MYO16: variants seen among roughly 807,000 people sequenced by gnomAD.
MYO16 encodes the protein myosin XVI, also known as unconventional myosin-XVI.
MYO16 carries 94 observed loss-of-function variants against 205.3 expected under a neutral mutation model. That is an observed-to-expected ratio of 0.46 (90% CI 0.39 to 0.54). The LOEUF (loss-of-function observed/expected upper bound fraction) is 0.54, where lower values mean the gene tolerates loss of function less well. MYO16 is among the 20% of genes least tolerant of loss of function. The probability of loss-of-function intolerance (pLI) is 0.00; values close to 1 mark genes in which losing one functional copy is unlikely to be tolerated. For synonymous variants in MYO16, 988 were observed against 954.0 expected (o/e 1.04, Z -0.66); for missense variants, 2,315 against 2,387.5 (o/e 0.97, Z 0.63).
intron 4 of MYO16, among the ~76,000 whole-genome samples, chr13:108,780,555 G>A (rs1010491891): frequency 3.3e-5 from 5 of 152,166 alleles, no homozygotes; most frequent in African/African-American, 1.2e-4. Context: ...AGGTAAGTAG[G>A]AGTATAGTGA....
chr13:108,559,479 T>TC, the MYO16 span, among the ~76,000 whole-genome samples: 4 of 138,298 alleles, frequency 2.9e-5, no homozygotes, highest in Non-Finnish European at 6.3e-5. Context: ...TCTTTTTTTT[T>TC]TTTTTTTTTT....
intron 4 of MYO16, among the ~76,000 whole-genome samples, chr13:108,748,633 T>C (rs978516258): frequency 6.6e-6 from 1 of 152,060 alleles, no homozygotes; most frequent in African/African-American, 2.4e-5. Context: ...AAGGCTTTCA[T>C]AGAGATCAAT....
chr13:108,944,683 T>A (rs1176950324), intron 16 of MYO16, among the ~76,000 whole-genome samples: 1 of 152,206 alleles, frequency 6.6e-6, no homozygotes, highest in Non-Finnish European at 1.5e-5. Context: ...CTAAAGAGCC[T>A]ACAATATCAT....
intron 1 of MYO16, among the ~76,000 whole-genome samples, chr13:108,607,005 G>T (rs1248885278): frequency 6.6e-6 from 1 of 152,166 alleles, no homozygotes; most frequent in Non-Finnish European, 1.5e-5. Context: ...TTGGACTTTG[G>T]ACTTTCATGG....
chr13:109,063,229 T>A (rs1326380678), intron 27 of MYO16, among the ~76,000 whole-genome samples: 5 of 152,154 alleles, frequency 3.3e-5, no homozygotes, highest in African/African-American at 9.7e-5. Context: ...AACTGGAGGA[T>A]CGCTTTAGTT....
chr13:108,651,333 C>T (rs1428767678), intron 1 of MYO16, among the ~76,000 whole-genome samples: 1 of 152,168 alleles, frequency 6.6e-6, no homozygotes, highest in Non-Finnish European at 1.5e-5. Flanking sequence ...AGAAACATCA[C>T]ATCATGAGGA....
intron 24 of MYO16, among the ~76,000 whole-genome samples, chr13:109,051,742 TTAAC>T (rs1887253328): frequency 6.6e-6 from 1 of 152,222 alleles, no homozygotes; most frequent in African/African-American, 2.4e-5. Context: ...CCTTTTCAGC[TTAAC>T]TGTGTTTTTT....
chr13:109,201,219 C>A (rs1438287875), intron 34 of MYO16, among the ~76,000 whole-genome samples: 2 of 152,178 alleles, frequency 1.3e-5, no homozygotes, highest in Admixed American at 6.5e-5. Context: ...CAAGAGAAGA[C>A]AACATGCATC....
chr13:108,500,507 C>T, the MYO16 span, among the ~76,000 whole-genome samples: 2 of 152,064 alleles, frequency 1.3e-5, no homozygotes, highest in African/African-American at 4.8e-5. Context: ...GGATTACAAG[C>T]ATGAGCCACC....
intron 5 of MYO16, among the ~76,000 whole-genome samples, chr13:108,786,371 G>T (rs1469787833): frequency 2.0e-5 from 3 of 152,164 alleles, no homozygotes; most frequent in Admixed American, 2.0e-4. Context: ...GAAAGTGGGA[G>T]GTATGAGAAT....
chr13:108,659,111 G>C (rs1422535366), intron 1 of MYO16, among the ~76,000 whole-genome samples: 1 of 148,746 alleles, frequency 6.7e-6, no homozygotes, highest in African/African-American at 2.5e-5. Flanking sequence ...TATATTTCTA[G>C]TTAGTTATAA....
At chr13:108,850,209 A>G (rs1386917616) in intron 10 of MYO16, among the ~76,000 whole-genome samples, 1 of 152,270 alleles carries the variant, frequency 6.6e-6, no homozygotes, top group Non-Finnish European at 1.5e-5. Flanking sequence ...CACAGGTCAG[A>G]CCATCTCTGT....
intron 7 of MYO16, among the ~76,000 whole-genome samples, chr13:108,813,597 TAA>T (rs1192815296): frequency 6.6e-6 from 1 of 152,186 alleles, no homozygotes; most frequent in Non-Finnish European, 1.5e-5. Flanking sequence ...GAAGAATAAG[TAA>T]AGTCTATATC....
At chr13:109,191,111 C>T (rs538328652) in intron 34 of MYO16, among the ~76,000 whole-genome samples, 6 of 151,776 alleles carry the variant, frequency 4.0e-5, no homozygotes, top group South Asian at 4.2e-4. Flanking sequence ...CCCAGCTACA[C>T]GGGAGGCTGA....
At chr13:108,860,357 T>C (rs974932362) in intron 11 of MYO16, among the ~76,000 whole-genome samples, 1 of 152,222 alleles carries the variant, frequency 6.6e-6, no homozygotes, top group Non-Finnish European at 1.5e-5. Context: ...TTTTTATGGC[T>C]GCATAGTCCT....
chr13:108,712,614 GGAA>G, intron 2 of MYO16, 44 bp from the exon 3 acceptor site: 4 of 1,548,914 alleles, frequency 2.6e-6, no homozygotes, highest in Middle Eastern at 1.7e-4. Flanking sequence ...TTCCACACGT[GGAA>G]GAAGGACTCT....
intron 14 of MYO16, among the ~76,000 whole-genome samples, chr13:108,897,656 C>T (rs1466685993): frequency 1.3e-5 from 2 of 152,176 alleles, no homozygotes; most frequent in Non-Finnish European, 2.9e-5. Flanking sequence ...TGACTCCTTC[C>T]CTTCCAAAAT....
chr13:109,121,266 C>T (rs1875977626), intron 29 of MYO16, among the ~76,000 whole-genome samples: 1 of 152,176 alleles, frequency 6.6e-6, no homozygotes, highest in Non-Finnish European at 1.5e-5. Context: ...CTCAGGTTGC[C>T]TCTGGGTCTT....
In MYO16 at chr13:108,722,728, A is replaced by G. The variant is rs140279812; in HGVS notation, c.364-4712A>G. 2.8e-3 allele frequency among the ~76,000 whole-genome samples: 431 copies of G among 152,322 alleles called. 4 individuals carry two copies. Among genetic ancestry groups the G allele is most frequent in the African/African-American group, 0.01 (418 of 41,588 alleles). On this transcript the variant is annotated intron_variant, in intron 3 of 34. Coordinates refer to ENST00000457511, the MANE Select transcript of MYO16 (RefSeq NM_001198950.3). Reference sequence around the variant, plus strand: ...CTTGCATATGAATTTCCTAAAATGAAGTAGATCCGGGCCTCACATTCTAAC... The same window carrying G: ...CTTGCATATGAATTTCCTAAAATGAGGTAGATCCGGGCCTCACATTCTAAC...
Sources: allele counts gnomAD v4.1 joint callset (sites outside exome capture counted in the v4.1 genomes callset), GRCh38; gene constraint gnomAD v4.1.1; transcripts MANE v1.5; gene names NCBI Gene and HGNC (gene_info 2026-07-23, HGNC 2026-07-21).